Variants in PHLPP1 observed in about 807,000 individuals in gnomAD.
PHLPP1 encodes PH domain and leucine rich repeat protein phosphatase 1, also known as PH domain leucine-rich repeat-containing protein phosphatase 1.
In PHLPP1, 42 loss-of-function variants were observed where a neutral mutation model predicts 117.2. That is an observed-to-expected ratio of 0.36 (90% CI 0.28 to 0.46). The LOEUF (loss-of-function observed/expected upper bound fraction) is 0.46, where lower values mean the gene tolerates loss of function less well. Among genes scored for constraint, PHLPP1 ranks in the 20% least tolerant of loss-of-function variants. The pLI is 1.00. For synonymous variants in PHLPP1, 1,042 were observed against 970.7 expected (o/e 1.07, Z -1.37); for missense variants, 2,084 against 2,241.9 (o/e 0.93, Z 1.42).
intron 4 of PHLPP1, among the ~76,000 whole-genome samples, chr18:62,869,996 G>A (rs943197343): frequency 6.6e-6 from 1 of 152,136 alleles, no homozygotes; most frequent in Non-Finnish European, 1.5e-5. Flanking sequence ...AGGTTCAAGC[G>A]ATTCTTCTGC....
intron 3 of PHLPP1, among the ~76,000 whole-genome samples, chr18:62,848,768 G>A (rs902234090): frequency 1.3e-5 from 2 of 152,096 alleles, no homozygotes; most frequent in Non-Finnish European, 2.9e-5. Flanking sequence ...CCAGCCTGTG[G>A]TTGGTTTTTA....
At chr18:62,901,470 T>C (rs1916723592) in intron 6 of PHLPP1, among the ~76,000 whole-genome samples, 1 of 152,162 alleles carries the variant, frequency 6.6e-6, no homozygotes, top group Admixed American at 6.5e-5. Flanking sequence ...AAATCCCAGC[T>C]CTTTGCTGGA....
At chr18:62,784,179 G>A (rs1190403903) in intron 1 of PHLPP1, among the ~76,000 whole-genome samples, 1 of 152,228 alleles carries the variant, frequency 6.6e-6, no homozygotes, top group African/African-American at 2.4e-5. Context: ...GTTCTCATGA[G>A]CATTTGGCAA....
At chr18:62,928,647 C>A (rs1262213414) in intron 10 of PHLPP1, among the ~76,000 whole-genome samples, 2 of 152,192 alleles carry the variant, frequency 1.3e-5, no homozygotes, top group Non-Finnish European at 2.9e-5. Context: ...CAGTTCTACT[C>A]TTAGGTATAT....
At chr18:62,925,079 C>T (rs1254411206) in intron 10 of PHLPP1, among the ~76,000 whole-genome samples, 1 of 151,922 alleles carries the variant, frequency 6.6e-6, no homozygotes, top group African/African-American at 2.4e-5. Context: ...CTGATGGAAA[C>T]CCCAAAAGAG....
intron 4 of PHLPP1, among the ~76,000 whole-genome samples, chr18:62,887,426 C>T (rs1021353132): frequency 2.0e-5 from 3 of 152,124 alleles, no homozygotes; most frequent in Non-Finnish European, 4.4e-5. Context: ...TATCAATTTA[C>T]CTTAGAGTGG....
At chr18:62,903,300 C>A in intron 7 of PHLPP1, 134 bp downstream of exon 7, 3 of 650,874 alleles carry the variant, frequency 4.6e-6, no homozygotes, top group Non-Finnish European at 7.8e-6. Context: ...ATAAAAGTCA[C>A]AAAAGAAAAA....
chr18:62,794,938 C>CTCTTAA (rs1254475686), intron 1 of PHLPP1, among the ~76,000 whole-genome samples: 5 of 152,132 alleles, frequency 3.3e-5, no homozygotes, highest in Non-Finnish European at 7.4e-5. Context: ...AGGGAACAAA[C>CTCTTAA]TCTTAAGGGC....
intron 4 of PHLPP1, among the ~76,000 whole-genome samples, chr18:62,874,583 G>A (rs934762382): frequency 7.9e-5 from 12 of 152,210 alleles, no homozygotes; most frequent in South Asian, 2.1e-4. Flanking sequence ...AGCTTCTCCC[G>A]GCAGCTAAGA....
At chr18:62,905,337 A>AG in intron 8 of PHLPP1, 53 bp downstream of exon 8, 2 of 948,562 alleles carry the variant, frequency 2.1e-6, no homozygotes, top group Non-Finnish European at 3.0e-6. Context: ...ATTATTTAGT[A>AG]ATTCTGTCTG....
chr18:62,822,306 G>A (rs555604223), intron 1 of PHLPP1, among the ~76,000 whole-genome samples: 2 of 123,122 alleles, frequency 1.6e-5, no homozygotes, highest in Admixed American at 1.1e-4. Flanking sequence ...TTTTGAGACA[G>A]AGTCTCGCTC....
At position 62,830,161 on chromosome 18, in the gene PHLPP1, G is replaced by A. The variant is rs763172537; in HGVS notation, c.1703G>A (p.Cys568Tyr). Residue 568 changes from cysteine (C) to tyrosine (Y), a missense_variant, in exon 2 of 17, where the codon TGC becomes TAC. This residue lies in a region of PHLPP1 where 1,365 missense variants were observed against 1,605.9 expected (regional missense o/e 0.85). Coordinates refer to ENST00000262719, the MANE Select transcript of PHLPP1 (RefSeq NM_194449.4). ...TRRQVILCGT[C>Y]LIVSSVKDSL... ...CGCCAAGTCATCCTATGTGGGACCT[G>A]CCTGATAGTATCATCTGTGAAAGAC... is the stretch of plus-strand genomic sequence containing the variant. 1 of 1,599,078 alleles carries A rather than the reference G, an allele frequency of 6.3e-7. No homozygotes were observed. The highest frequency in any genetic ancestry group is 8.5e-7 in the Non-Finnish European group (1 of 1,172,340).
intron 10 of PHLPP1, among the ~76,000 whole-genome samples, chr18:62,938,918 G>T (rs116971945): frequency 6.6e-6 from 1 of 151,228 alleles, no homozygotes; most frequent in Admixed American, 6.6e-5. Flanking sequence ...TTGTTTTATC[G>T]CATGTGTTTG....
intron 1 of PHLPP1, among the ~76,000 whole-genome samples, chr18:62,772,958 C>T (rs891166310): frequency 4.6e-5 from 7 of 151,422 alleles, no homozygotes; most frequent in Non-Finnish European, 1.0e-4. Context: ...TCCTCTCCCA[C>T]CCCCCCAAAA....
chr18:62,976,847 A>G (rs919084373), intron 16 of PHLPP1, among the ~76,000 whole-genome samples: 1 of 152,224 alleles, frequency 6.6e-6, no homozygotes, highest in Non-Finnish European at 1.5e-5. Context: ...TCTTGAAGGT[A>G]GATGTTTCTT....
At chr18:62,826,776 G>C (rs1276598790) in intron 1 of PHLPP1, among the ~76,000 whole-genome samples, 2 of 152,162 alleles carry the variant, frequency 1.3e-5, no homozygotes, top group African/African-American at 4.8e-5. Context: ...GCCGAGGTGG[G>C]TGGATCACGA....
intron 1 of PHLPP1, among the ~76,000 whole-genome samples, chr18:62,747,170 A>G (rs1313049701): frequency 1.3e-5 from 2 of 149,276 alleles, no homozygotes; most frequent in Non-Finnish European, 3.0e-5. Flanking sequence ...TACTTAATTT[A>G]TGCTCTTATT....
chr18:62,781,313 T>A (rs923659390), intron 1 of PHLPP1, among the ~76,000 whole-genome samples: 1 of 152,206 alleles, frequency 6.6e-6, no homozygotes, highest in African/African-American at 2.4e-5. Flanking sequence ...TTGGACAAAT[T>A]TTCTCTCCAT....
chr18:62,939,550 A>G (rs1189664218), intron 10 of PHLPP1, among the ~76,000 whole-genome samples: 1 of 152,044 alleles, frequency 6.6e-6, no homozygotes, highest in Non-Finnish European at 1.5e-5. Context: ...CAGAAACTGC[A>G]GGAGTGACCT....
Sources: gnomAD v4.1 joint callset for allele counts (sites outside exome capture counted in the v4.1 genomes callset) on GRCh38, gnomAD v4.1.1 for gene constraint, gnomAD v4.1.1 regional missense constraint, MANE v1.5 for transcripts, NCBI Gene and HGNC (gene_info 2026-07-23, HGNC 2026-07-21) for gene names.